The following INTS6 variants were observed in gnomAD, a reference collection of about 807,000 sequenced individuals.
INTS6 encodes the protein integrator complex subunit 6.
Under a neutral mutation model 104.9 loss-of-function variants are expected in INTS6, and 16 were observed. That is an observed-to-expected ratio of 0.15 (90% CI 0.10 to 0.23). The LOEUF (loss-of-function observed/expected upper bound fraction) is 0.23, where lower values mean the gene tolerates loss of function less well. Ranked by LOEUF, INTS6 falls within the 10% of genes least tolerant of loss-of-function variation. INTS6 has a pLI of 1.00. For missense variants in INTS6, 584 were observed against 1,062.8 expected (o/e 0.55, Z 6.26); for synonymous variants, 324 against 358.7 (o/e 0.90, Z 1.09).
chr13:51,382,968 T>G (rs1040010939), intron 9 of INTS6, among the ~76,000 whole-genome samples: 1 of 152,100 alleles, frequency 6.6e-6, no homozygotes, highest in South Asian at 2.1e-4. Context: ...TCCCAGCTAC[T>G]TGGGAGGGAG....
intron 3 of INTS6, chr13:51,450,205 C>T (rs1366099333): frequency 1.0e-6 from 1 of 984,748 alleles, no homozygotes; most frequent in Admixed American, 6.2e-5. Flanking sequence ...AATAATATTC[C>T]TTTGTTACAT....
intron 4 of INTS6, among the ~76,000 whole-genome samples, chr13:51,425,004 T>C (rs983844373): frequency 6.6e-6 from 1 of 152,040 alleles, no homozygotes; most frequent in Non-Finnish European, 1.5e-5. Context: ...TTAGTGATTT[T>C]AGTGAATAAA....
intron 3 of INTS6, chr13:51,446,437 C>A (rs1292010394): frequency 1.3e-5 from 2 of 152,078 alleles, no homozygotes; most frequent in African/African-American, 2.4e-5. Context: ...GAAAGTGTAA[C>A]CCTCGTGCAC....
intron 4 of INTS6, among the ~76,000 whole-genome samples, chr13:51,408,418 T>TA (rs1956617616): frequency 6.6e-6 from 1 of 152,166 alleles, no homozygotes; most frequent in Admixed American, 6.5e-5. Context: ...GTGCTGGGAT[T>TA]ACAGGCAAGA....
the INTS6 span, chr13:51,347,033 C>G: frequency 1.3e-6 from 2 of 1,579,356 alleles, no homozygotes; most frequent in South Asian, 2.3e-5. Context: ...AGGTGGGGGC[C>G]CCAGTGAGGG....
At chr13:51,414,831 T>TATAC (rs1555288613) in intron 4 of INTS6, among the ~76,000 whole-genome samples, 1 of 102,754 alleles carries the variant, frequency 9.7e-6, no homozygotes, top group Non-Finnish European at 1.9e-5. Flanking sequence ...GTAGTTCTTC[T>TATAC]ATACACACAC....
intron 15 of INTS6, among the ~76,000 whole-genome samples, chr13:51,372,303 CAGT>C (rs199580061): frequency 0.012 from 1,652 of 142,358 alleles, 24 homozygotes; most frequent in East Asian, 0.072. Flanking sequence ...CTTGATTGAA[CAGT>C]TTTTTTTTTT....
intron 4 of INTS6, among the ~76,000 whole-genome samples, chr13:51,409,979 T>C (rs189195702): frequency 1.3e-5 from 2 of 152,066 alleles, no homozygotes; most frequent in African/African-American, 2.4e-5. Flanking sequence ...TCATCAGAAG[T>C]TGAAAGTAAA....
At chr13:51,447,336 A>AG (rs1320489240) in intron 3 of INTS6, 2 of 152,294 alleles carry the variant, frequency 1.3e-5, no homozygotes, top group African/African-American at 2.4e-5. Context: ...ATTTAGGTAA[A>AG]GGGAAAAAAA....
chr13:51,422,677 A>G (rs1057480886), intron 4 of INTS6, among the ~76,000 whole-genome samples: 8 of 152,142 alleles, frequency 5.3e-5, no homozygotes, highest in African/African-American at 1.9e-4. Context: ...ACTAAAATGC[A>G]AATCTGATCA....
chr13:51,416,958 A>C (rs912115608), intron 4 of INTS6, among the ~76,000 whole-genome samples: 2 of 152,158 alleles, frequency 1.3e-5, no homozygotes, highest in Non-Finnish European at 2.9e-5. Context: ...TATAATCTGC[A>C]TTTCCCTCAT....
chr13:51,367,501 T>G (rs1474168032), intron 17 of INTS6, among the ~76,000 whole-genome samples: 1 of 151,958 alleles, frequency 6.6e-6, no homozygotes, highest in Admixed American at 6.6e-5. Flanking sequence ...GGAGAAAAAT[T>G]AAAGGTTATA....
intron 4 of INTS6, among the ~76,000 whole-genome samples, chr13:51,429,785 A>AAAAAAAAAAAATATATATAT (rs1156333077): frequency 2.2e-5 from 2 of 92,358 alleles, no homozygotes; most frequent in Non-Finnish European, 2.0e-5. Context: ...AAAAAAAAAA[A>AAAAAAAAAAAATATATATAT]ATATATATAT....
chr13:51,365,426 T>G lies in INTS6; in HGVS notation c.*326A>C. The G allele has an allele frequency of 6.1e-6, 1 of 163,710 alleles. No homozygotes were observed. 10.1% of individuals were successfully genotyped at this position (163,710 alleles called of 1,614,324 possible). A position where few individuals can be genotyped will look rare whatever the true frequency, so the allele number is the denominator to read the frequency against. On this transcript the variant is annotated 3_prime_UTR_variant, in exon 18 of 18. Coordinates refer to ENST00000311234, the MANE Select transcript of INTS6 (RefSeq NM_012141.3). ...TGGCAAAGTTCAACCTTAACAGAGG[T>G]GACAATTTTAAAGGTTGGTTTAAGA...
chr13:51,445,912 C>T (rs1232919981), intron 3 of INTS6: 2 of 152,096 alleles, frequency 1.3e-5, no homozygotes, highest in Non-Finnish European at 2.9e-5. Flanking sequence ...TTACCTTATA[C>T]CATATACAAA....
intron 12 of INTS6, among the ~76,000 whole-genome samples, chr13:51,377,413 C>T (rs1269236864): frequency 6.6e-6 from 1 of 152,060 alleles, no homozygotes; most frequent in Non-Finnish European, 1.5e-5. Context: ...GAAATCTTTG[C>T]TAACTCAACA....
rs1157615155 is a variant in INTS6 at position 51,365,075 on chromosome 13, T to C, written c.*677A>G. The stretch of plus-strand genomic sequence containing the variant: ...TATAGTAAAAAGGCAATGCAGATTA[T>C]GTAACATGTAATTACAGTTAGGCTT... On this transcript the variant is annotated 3_prime_UTR_variant, in exon 18 of 18. Coordinates refer to ENST00000311234, the MANE Select transcript of INTS6 (RefSeq NM_012141.3). 1 of 152,524 alleles carries C rather than the reference T, an allele frequency of 6.6e-6. No individual in the cohort carries two copies. The highest frequency in any genetic ancestry group is 1.5e-5 in the Non-Finnish European group (1 of 67,968). The allele number at this position is 152,524 out of a possible 1,614,324, so 9.4% of individuals were successfully genotyped here. A position where few individuals can be genotyped will look rare whatever the true frequency, so the allele number is the denominator to read the frequency against.
At chr13:51,361,253 C>T, downstream of INTS6, 14 of 1,507,394 alleles carry the variant, frequency 9.3e-6, no homozygotes, top group Non-Finnish European at 1.3e-5. Context: ...GAGCAACTCA[C>T]ATTTTTATCA....
the INTS6 span, chr13:51,347,374 C>A: frequency 4.1e-6 from 3 of 725,978 alleles, no homozygotes; most frequent in Non-Finnish European, 4.6e-6. Flanking sequence ...GCATGCATGG[C>A]GGAAGGAAAG....
Sources: allele counts gnomAD v4.1 joint callset (sites outside exome capture counted in the v4.1 genomes callset), GRCh38; gene constraint gnomAD v4.1.1; transcripts MANE v1.5; gene names NCBI Gene and HGNC (gene_info 2026-07-23, HGNC 2026-07-21).